KCNH8: variants seen among roughly 807,000 people sequenced by gnomAD.
KCNH8 encodes the protein voltage-gated delayed rectifier potassium channel KCNH8.
In KCNH8, 70 loss-of-function variants were observed where a neutral mutation model predicts 103.6. The observed-to-expected ratio is 0.68, with a 90% CI of 0.56 to 0.82. The LOEUF (loss-of-function observed/expected upper bound fraction) is 0.82. KCNH8 is among the 40% of genes least tolerant of loss of function. The pLI, the probability that KCNH8 is intolerant of heterozygous loss-of-function variation, is 0.00. For synonymous variants in KCNH8, 498 were observed against 489.4 expected (o/e 1.02, Z -0.23); for missense variants, 1,217 against 1,329.9 (o/e 0.92, Z 1.32).
At chr3:19,170,690 A>T (rs1302260732) in intron 1 of KCNH8, among the ~76,000 whole-genome samples, 1 of 145,214 alleles carries the variant, frequency 6.9e-6, no homozygotes, top group African/African-American at 2.6e-5. Flanking sequence ...ACACATATAT[A>T]CACACATATA....
At chr3:19,439,555 T>G (rs62276975) in intron 8 of KCNH8, among the ~76,000 whole-genome samples, 44 of 152,262 alleles carry the variant, frequency 2.9e-4, no homozygotes, top group Non-Finnish European at 4.9e-4. Flanking sequence ...CCTCCTTTAT[T>G]GCAAGTAAGA....
intron 8 of KCNH8, among the ~76,000 whole-genome samples, chr3:19,447,190 G>T (rs2067375205): frequency 6.6e-6 from 1 of 151,950 alleles, no homozygotes; most frequent in African/African-American, 2.4e-5. Flanking sequence ...TCTTTGCCAG[G>T]GTGAAATGAT....
chr3:19,356,632 C>A lies in KCNH8; in HGVS notation c.811+8667C>A, dbSNP rs149359746. ...CTGCTGATTCAAAGCCTTATAGAAACTTAAAATGAGAAGTGACTGAATAGC... is the reference window on the plus strand; with the variant it reads ...CTGCTGATTCAAAGCCTTATAGAAAATTAAAATGAGAAGTGACTGAATAGC... On this transcript the variant is annotated intron_variant, in intron 5 of 15. Coordinates refer to ENST00000328405, the MANE Select transcript of KCNH8 (RefSeq NM_144633.3). Among the ~76,000 whole-genome samples the A allele has an allele frequency of 6.7e-3, 1,019 of 152,024 alleles. 10 individuals carry two copies. The highest frequency in any genetic ancestry group is 0.021 in the African/African-American group (858 of 41,504).
At chr3:19,344,069 C>T (rs1354943832) in intron 4 of KCNH8, among the ~76,000 whole-genome samples, 1 of 151,098 alleles carries the variant, frequency 6.6e-6, no homozygotes, top group Non-Finnish European at 1.5e-5. Flanking sequence ...TCCTGGGAGT[C>T]CAGGGAGAGG....
intron 8 of KCNH8, among the ~76,000 whole-genome samples, chr3:19,443,637 A>T (rs1010034803): frequency 1.3e-5 from 2 of 151,754 alleles, no homozygotes; most frequent in African/African-American, 4.8e-5. Context: ...AACCATGTGA[A>T]CTTTGAGAAC....
At chr3:19,457,373 A>G (rs2067550169) in intron 11 of KCNH8, among the ~76,000 whole-genome samples, 1 of 152,032 alleles carries the variant, frequency 6.6e-6, no homozygotes, top group South Asian at 2.1e-4. Context: ...ATTGCTTGAC[A>G]TAGATTTTGC....
At position 19,276,955 on chromosome 3, in the gene KCNH8, C is replaced by T. The variant is rs570819334; in HGVS notation, c.311-4243C>T. On this transcript the variant is annotated intron_variant, in intron 2 of 15. Coordinates refer to ENST00000328405, the MANE Select transcript of KCNH8 (RefSeq NM_144633.3). ...ACAATATCCAAGTTATGGAATCAAC[C>T]TAAGTGCCCATCAAGGTATGGATAA... Among the ~76,000 whole-genome samples the T allele has an allele frequency of 4.6e-5, 7 of 152,164 alleles. No homozygotes were observed. In the South Asian group the frequency reaches 8.3e-4, roughly 18 times the overall value.
chr3:19,437,927 A>G (rs1229277539), intron 7 of KCNH8, among the ~76,000 whole-genome samples: 1 of 152,198 alleles, frequency 6.6e-6, no homozygotes, highest in Non-Finnish European at 1.5e-5. Flanking sequence ...TTGACCATCA[A>G]TCCACTCTGG....
intron 3 of KCNH8, among the ~76,000 whole-genome samples, chr3:19,305,422 G>A (rs1237307589): frequency 6.6e-6 from 1 of 152,092 alleles, no homozygotes; most frequent in Non-Finnish European, 1.5e-5. Flanking sequence ...AGTGAAGACA[G>A]AATTCAAGAC....
chr3:19,465,174 G>C lies in KCNH8; in HGVS notation c.2040+8192G>C, dbSNP rs527507992. On this transcript the variant is annotated intron_variant, in intron 11 of 15. Transcript: ENST00000328405. ...TCATAGCTAGAGAAGTCAGTGCCTGGCTTCAAATCTTCAAAGGACAGACTG... is the reference window on the plus strand; with the variant it reads ...TCATAGCTAGAGAAGTCAGTGCCTGCCTTCAAATCTTCAAAGGACAGACTG... Among the ~76,000 whole-genome samples the C allele has an allele frequency of 1.1e-3, 163 of 152,276 alleles. 1 individual carries two copies. Among genetic ancestry groups the C allele is most frequent in the African/African-American group, 3.7e-3 (154 of 41,558 alleles).
At chr3:19,471,473 G>A (rs1218149485) in intron 11 of KCNH8, among the ~76,000 whole-genome samples, 2 of 152,212 alleles carry the variant, frequency 1.3e-5, no homozygotes, top group East Asian at 3.9e-4. Context: ...CTGCAGGCTG[G>A]GTTAACAAAG....
intron 8 of KCNH8, among the ~76,000 whole-genome samples, chr3:19,439,715 CAAACAA>C (rs1215383265): frequency 6.6e-6 from 1 of 151,532 alleles, no homozygotes; most frequent in African/African-American, 2.4e-5. Context: ...AAGAAGACCA[CAAACAA>C]AAAGTATCTT....
chr3:19,495,552 C>T (rs1184235667), intron 11 of KCNH8, among the ~76,000 whole-genome samples: 1 of 152,064 alleles, frequency 6.6e-6, no homozygotes, highest in African/African-American at 2.4e-5. Context: ...CTATTCTGTT[C>T]CATTGGTCTA....
intron 11 of KCNH8, among the ~76,000 whole-genome samples, chr3:19,498,718 CT>C (rs962857991): frequency 5.5e-4 from 83 of 152,238 alleles, no homozygotes; most frequent in African/African-American, 1.9e-3. Flanking sequence ...GTTTTATCTA[CT>C]TTTGGTCTTT....
At chr3:19,280,742 AC>A (rs1286672730) in intron 2 of KCNH8, among the ~76,000 whole-genome samples, 1 of 152,022 alleles carries the variant, frequency 6.6e-6, no homozygotes, top group Non-Finnish European at 1.5e-5. Context: ...GATACTTTTC[AC>A]CTTTTTTATT....
rs757241684 is a variant in KCNH8, at chr3:19,534,093, T to C, written c.3318T>C (p.Asn1106=). Reference sequence around the variant, plus strand: ...AAGTGAAAGATAACAAAGCCATAAATGTATGATATTAGTGCCCATGATGCA... The same window carrying C: ...AAGTGAAAGATAACAAAGCCATAAACGTATGATATTAGTGCCCATGATGCA... ...TAEVKDNKAI[N]V The change falls in exon 16 of 16, where the codon AAT becomes AAC. Residue 1106 remains asparagine, a synonymous_variant. Coordinates refer to ENST00000328405, the MANE Select transcript of KCNH8 (RefSeq NM_144633.3). 3.1e-6 allele frequency: 5 copies of C among 1,610,322 alleles called. No homozygotes were observed. Among genetic ancestry groups the C allele is most frequent in the Admixed American group, 1.7e-5 (1 of 59,908 alleles).
Position 19,152,545 on chromosome 3 carries a change from C to A in KCNH8, c.76+3750C>A, listed in dbSNP as rs930895845. Reference sequence around the variant, plus strand: ...TGGACTCCATCAAGAAGATTCCAATCAAAGTATTCAAAATAATGGTTGTTT... The same window carrying A: ...TGGACTCCATCAAGAAGATTCCAATAAAAGTATTCAAAATAATGGTTGTTT... On this transcript the variant is annotated intron_variant, in intron 1 of 15. Coordinates refer to ENST00000328405, the MANE Select transcript of KCNH8 (RefSeq NM_144633.3). Among the ~76,000 whole-genome samples, 30 of 152,174 alleles carry A rather than the reference C, an allele frequency of 2.0e-4. 1 individual carries two copies. Among genetic ancestry groups the A allele is most frequent in the Admixed American group, 1.6e-3 (25 of 15,284 alleles).
intron 11 of KCNH8, among the ~76,000 whole-genome samples, chr3:19,485,973 A>G (rs1251341563): frequency 5.9e-5 from 9 of 151,866 alleles, no homozygotes; most frequent in Non-Finnish European, 1.3e-4. Context: ...GTAGATGTTT[A>G]CAGTCTTACT....
intron 5 of KCNH8, among the ~76,000 whole-genome samples, chr3:19,374,559 G>A (rs180839898): frequency 1.3e-3 from 199 of 152,206 alleles, no homozygotes; most frequent in African/African-American, 4.0e-3. Context: ...TCTTTATCCA[G>A]TTTGCCAGTC....
Sources: gnomAD v4.1 joint callset for allele counts (sites outside exome capture counted in the v4.1 genomes callset) on GRCh38, gnomAD v4.1.1 for gene constraint, MANE v1.5 for transcripts, NCBI Gene and HGNC (gene_info 2026-07-23, HGNC 2026-07-21) for gene names.